Variants in FAM107B observed in about 807,000 individuals in gnomAD.
FAM107B encodes the protein family with sequence similarity 107 member B, also known as protein FAM107B.
Under a neutral mutation model 31.5 loss-of-function variants are expected in FAM107B, and 21 were observed. That is an observed-to-expected ratio of 0.67 (90% CI 0.47 to 0.96). The LOEUF (loss-of-function observed/expected upper bound fraction) is 0.96. FAM107B is among the 40% of genes least tolerant of loss of function. The pLI, the probability that FAM107B is intolerant of heterozygous loss-of-function variation, is 0.00. For synonymous variants in FAM107B, 157 were observed against 141.5 expected, an observed-to-expected ratio of 1.11 and a Z score of -0.78; for missense variants, 452 against 377.1, an observed-to-expected ratio of 1.20 and a Z score of -1.64.
At chr10:14,767,020 G>GTGTGTA (rs1354065285) in intron 1 of FAM107B, among the ~76,000 whole-genome samples, 1 of 30,410 alleles carries the variant, frequency 3.3e-5, no homozygotes, top group African/African-American at 8.5e-5. Context: ...TCCCTGATGT[G>GTGTGTA]TATGTATATA....
At chr10:14,756,862 G>T (rs746253849) in intron 1 of FAM107B, among the ~76,000 whole-genome samples, 31 of 152,140 alleles carry the variant, frequency 2.0e-4, no homozygotes, top group Non-Finnish European at 7.3e-5. Flanking sequence ...CATTTGCAGG[G>T]ACATGGATGG....
At chr10:14,656,836 T>TC (rs1182893204) in intron 2 of FAM107B, among the ~76,000 whole-genome samples, 1 of 152,232 alleles carries the variant, frequency 6.6e-6, no homozygotes, top group African/African-American at 2.4e-5. Context: ...ACTGAAAATT[T>TC]CATTCCTGGT....
At chr10:14,660,890 C>T (rs1178569725) in intron 2 of FAM107B, among the ~76,000 whole-genome samples, 1 of 152,152 alleles carries the variant, frequency 6.6e-6, no homozygotes. Flanking sequence ...GATTTGTGTC[C>T]TTCCCCAAAC....
intron 1 of FAM107B, among the ~76,000 whole-genome samples, chr10:14,719,637 C>T (rs2167708): frequency 0.052 from 7,990 of 152,220 alleles, 291 homozygotes; most frequent in Non-Finnish European, 0.078. Context: ...ATGGGAGGCA[C>T]TAGGGGATTC....
In FAM107B at chr10:14,583,101, A is replaced by AAG. The variant is rs1851703996; in HGVS notation, c.470-52587_470-52586insCT. Reference sequence around the variant, plus strand: ...GACTCTGTCTCAAAAAAAAAAAAAAAAAAGAAAAGAAAGAAAGAAAGCCAA... The same window carrying AAG: ...GACTCTGTCTCAAAAAAAAAAAAAAAAGAAAGAAAAGAAAGAAAGAAAGCCAA... On this transcript the variant is annotated intron_variant, in intron 2 of 4. Transcript: ENST00000181796. Among the ~76,000 whole-genome samples, 3 of 151,964 alleles carry AAG rather than the reference A, an allele frequency of 2.0e-5. No individual in the cohort carries two copies. The South Asian group carries it at 6.2e-4, about 32-fold the overall frequency.
At chr10:14,585,771 G>A (rs1252940670) in intron 2 of FAM107B, among the ~76,000 whole-genome samples, 1 of 152,122 alleles carries the variant, frequency 6.6e-6, no homozygotes, top group Non-Finnish European at 1.5e-5. Flanking sequence ...TCAAATCTTT[G>A]GTCAGGATCT....
At chr10:14,760,440 T>A in intron 1 of FAM107B, among the ~76,000 whole-genome samples, 1 of 152,206 alleles carries the variant, frequency 6.6e-6, no homozygotes, top group East Asian at 1.9e-4. Context: ...ATAACATAAA[T>A]AATGATACCA....
chr10:14,696,647 G>A (rs1343391433), intron 1 of FAM107B, among the ~76,000 whole-genome samples: 3 of 152,066 alleles, frequency 2.0e-5, no homozygotes, highest in Non-Finnish European at 4.4e-5. Context: ...TTTCTTTGTT[G>A]GGAGGTTTCG....
intron 1 of FAM107B, among the ~76,000 whole-genome samples, chr10:14,760,097 C>T (rs913973355): frequency 1.3e-5 from 2 of 152,086 alleles, no homozygotes; most frequent in African/African-American, 2.4e-5. Context: ...TTGATAGAAA[C>T]AATTTAAGGC....
chr10:14,701,744 G>A (rs1294390231), intron 1 of FAM107B, among the ~76,000 whole-genome samples: 4 of 151,660 alleles, frequency 2.6e-5, no homozygotes, highest in African/African-American at 4.8e-5. Context: ...AAAGCATGGC[G>A]GACAGAGGCA....
At chr10:14,629,373 A>AAT (rs1201836394) in intron 2 of FAM107B, among the ~76,000 whole-genome samples, 1 of 9,560 alleles carries the variant, frequency 1.0e-4, no homozygotes, top group African/African-American at 3.1e-4. Flanking sequence ...TTATATATTT[A>AAT]ATATATATAA....
intron 1 of FAM107B, among the ~76,000 whole-genome samples, chr10:14,741,204 C>A (rs922057): frequency 2.3e-3 from 347 of 152,066 alleles, no homozygotes; most frequent in African/African-American, 7.8e-3. Flanking sequence ...ATGAAAAGAG[C>A]GAGGCAGGAG....
chr10:14,625,530 A>G (rs1853137429), intron 2 of FAM107B, among the ~76,000 whole-genome samples: 1 of 152,162 alleles, frequency 6.6e-6, no homozygotes, highest in Non-Finnish European at 1.5e-5. Context: ...GCTCATAAGA[A>G]CAGGGAAACA....
chr10:14,651,240 T>G (rs1172318580), intron 2 of FAM107B, among the ~76,000 whole-genome samples: 1 of 152,170 alleles, frequency 6.6e-6, no homozygotes, highest in Admixed American at 6.5e-5. Context: ...CTTGACAATA[T>G]TAGGATTCTC....
At chr10:14,712,654 A>G (rs1296011910) in intron 1 of FAM107B, among the ~76,000 whole-genome samples, 2 of 152,084 alleles carry the variant, frequency 1.3e-5, no homozygotes, top group Non-Finnish European at 2.9e-5. Context: ...ATAAATGAAT[A>G]GAAGCCAAGA....
chr10:14,527,998 T>C, intron 3 of FAM107B: 2 of 355,678 alleles, frequency 5.6e-6, no homozygotes, highest in South Asian at 2.1e-5. Flanking sequence ...ATCTGCCTTT[T>C]CTTTTTTTTT....
At chr10:14,632,021 G>T (rs1475538897) in intron 2 of FAM107B, among the ~76,000 whole-genome samples, 1 of 152,164 alleles carries the variant, frequency 6.6e-6, no homozygotes, top group Non-Finnish European at 1.5e-5. Context: ...AATCTGGCCA[G>T]GCACAGTGGC....
At chr10:14,652,956 T>C (rs995718324) in intron 2 of FAM107B, 1 of 152,174 alleles carries the variant, frequency 6.6e-6, no homozygotes, top group African/African-American at 2.4e-5. Flanking sequence ...ATAGCAGTCA[T>C]GAAACGAATT....
In FAM107B at chr10:14,678,956, T is replaced by G. The variant is rs562221802; in HGVS notation, c.412-11265A>C. Among the ~76,000 whole-genome samples, 83 of 152,224 alleles carry G rather than the reference T, an allele frequency of 5.5e-4. 1 individual carries two copies. Among genetic ancestry groups the G allele is most frequent in the Middle Eastern group, 3.4e-3 (1 of 294 alleles). ...TGGCAGATACAACTATTGTGAAAAG[T>G]GCCAAGAACTCCAGAGTAAGTGAGC... On this transcript the variant is annotated intron_variant, in intron 1 of 4. Coordinates refer to ENST00000181796, the MANE Select transcript of FAM107B (RefSeq NM_031453.4).
Sources: gnomAD v4.1 joint callset for allele counts (sites outside exome capture counted in the v4.1 genomes callset) on GRCh38, gnomAD v4.1.1 for gene constraint, MANE v1.5 for transcripts, NCBI Gene and HGNC (gene_info 2026-07-23, HGNC 2026-07-21) for gene names.